NTNG1: variants seen among roughly 807,000 people sequenced by gnomAD.
NTNG1 encodes netrin-G1.
In NTNG1, 16 loss-of-function variants were observed where a neutral mutation model predicts 54.0. The ratio of observed to expected loss-of-function variants is 0.30; its 90% CI spans 0.20 to 0.45. The LOEUF (loss-of-function observed/expected upper bound fraction) is 0.45, where lower values mean the gene tolerates loss of function less well. Ranked by LOEUF, NTNG1 falls within the 20% of genes least tolerant of loss-of-function variation. The pLI, the probability that NTNG1 is intolerant of heterozygous loss-of-function variation, is 1.00. For synonymous variants in NTNG1, 255 were observed against 263.1 expected, an observed-to-expected ratio of 0.97 and a Z score of 0.30; for missense variants, 530 against 678.7, an observed-to-expected ratio of 0.78 and a Z score of 2.43.
intron 2 of NTNG1, among the ~76,000 whole-genome samples, chr1:107,280,574 A>G (rs374952974): frequency 4.0e-4 from 60 of 148,188 alleles, no homozygotes; most frequent in East Asian, 2.3e-3. Context: ...ATTCTTATAT[A>G]AGAGTCAAGG....
chr1:107,295,548 G>A (rs1000589511), intron 2 of NTNG1, among the ~76,000 whole-genome samples: 11 of 152,060 alleles, frequency 7.2e-5, no homozygotes, highest in Non-Finnish European at 1.5e-4. Context: ...ACTTAGGTCC[G>A]GTCCCCTCTT....
intron 3 of NTNG1, among the ~76,000 whole-genome samples, chr1:107,381,073 A>G (rs1275479934): frequency 6.6e-6 from 1 of 152,112 alleles, no homozygotes; most frequent in Non-Finnish European, 1.5e-5. Flanking sequence ...TTAAACAACT[A>G]TTTTATAAAT....
chr1:107,431,770 G>C (rs922044999), intron 6 of NTNG1, among the ~76,000 whole-genome samples: 2 of 152,180 alleles, frequency 1.3e-5, no homozygotes, highest in African/African-American at 4.8e-5. Context: ...TATTTGAAAT[G>C]CTGAAAAATA....
intron 3 of NTNG1, among the ~76,000 whole-genome samples, chr1:107,358,565 G>A (rs1319010303): frequency 2.6e-5 from 4 of 151,696 alleles, no homozygotes; most frequent in Non-Finnish European, 2.9e-5. Flanking sequence ...CTAATACAGA[G>A]CACTGACCTA....
chr1:107,191,178 T>A (rs1340396650), intron 2 of NTNG1, among the ~76,000 whole-genome samples: 1 of 152,216 alleles, frequency 6.6e-6, no homozygotes, highest in African/African-American at 2.4e-5. Context: ...TGATGGCCAG[T>A]GATGATGAGC....
At chr1:107,410,644 T>C (rs1423082144) in intron 5 of NTNG1, 1 of 152,158 alleles carries the variant, frequency 6.6e-6, no homozygotes, top group Non-Finnish European at 1.5e-5. Flanking sequence ...TCAGATTGCA[T>C]TTTTTAATAA....
chr1:107,345,148 T>A (rs1009059398), intron 3 of NTNG1, among the ~76,000 whole-genome samples: 2 of 152,128 alleles, frequency 1.3e-5, no homozygotes, highest in Non-Finnish European at 2.9e-5. Context: ...TCTCTCCAAA[T>A]GTTTTGAGTT....
At chr1:107,215,286 G>T (rs1346613167) in intron 2 of NTNG1, among the ~76,000 whole-genome samples, 1 of 152,004 alleles carries the variant, frequency 6.6e-6, no homozygotes, top group African/African-American at 2.4e-5. Flanking sequence ...TTAAGTATTT[G>T]ATCCATCTTG....
At chr1:107,286,094 G>C (rs924522653) in intron 2 of NTNG1, among the ~76,000 whole-genome samples, 2 of 152,066 alleles carry the variant, frequency 1.3e-5, no homozygotes, top group African/African-American at 4.8e-5. Context: ...AGATGTAAAG[G>C]CTATGGGAGC....
intron 2 of NTNG1, among the ~76,000 whole-genome samples, chr1:107,289,607 C>G (rs1032117864): frequency 2.6e-5 from 4 of 152,112 alleles, no homozygotes; most frequent in Admixed American, 6.6e-5. Context: ...TTTCTTCAAC[C>G]CTAGCCCAGG....
intron 2 of NTNG1, among the ~76,000 whole-genome samples, chr1:107,179,552 A>G (rs2101125849): frequency 6.6e-6 from 1 of 152,086 alleles, no homozygotes; most frequent in Non-Finnish European, 1.5e-5. Context: ...TTATATGAAT[A>G]TAAAACATTC....
chr1:107,428,755 T>C (rs1255637825), intron 5 of NTNG1, among the ~76,000 whole-genome samples: 1 of 152,066 alleles, frequency 6.6e-6, no homozygotes, highest in Non-Finnish European at 1.5e-5. Flanking sequence ...CATAGAAGGC[T>C]CTAGAAGCTT....
At chr1:107,212,956 AG>A (rs1328574148) in intron 2 of NTNG1, among the ~76,000 whole-genome samples, 1 of 152,022 alleles carries the variant, frequency 6.6e-6, no homozygotes, top group Non-Finnish European at 1.5e-5. Context: ...GGAACATCCC[AG>A]GGCAATGCTG....
intron 5 of NTNG1, among the ~76,000 whole-genome samples, chr1:107,426,089 G>A (rs888759698): frequency 9.9e-5 from 15 of 151,768 alleles, no homozygotes; most frequent in Non-Finnish European, 1.6e-4. Flanking sequence ...GTCTTTAGAG[G>A]CATAATTTCT....
chr1:107,480,787 G>T lies in NTNG1; in HGVS notation c.1567G>T (p.Ala523Ser), dbSNP rs959944536. 1.9e-6 allele frequency: 3 copies of T among 1,596,662 alleles called. No individual in the cohort carries two copies. Among genetic ancestry groups the T allele is most frequent in the Non-Finnish European group, 2.6e-6 (3 of 1,172,940 alleles). ...GGGCGCGCCCCCGCACGGCTCCCCA[G>T]CGCTGCTGCTGCTGACCACGCTGCT... Reference protein sequence around the residue: ...GQGAPPHGSPALLLLTTLLGT... With the variant: ...GQGAPPHGSPSLLLLTTLLGT... Residue 523 changes from alanine (A) to serine (S), a missense_variant, in exon 8 of 8, where the codon GCG (alanine) becomes TCG (serine). Physicochemically the swap from Ala to Ser is moderately conservative, Grantham distance 99. This residue lies in a region of NTNG1 where 212 missense variants were observed against 213.6 expected (regional missense o/e 0.99). Transcript: ENST00000370068.
At chr1:107,271,679 A>G (rs1011703640) in intron 2 of NTNG1, among the ~76,000 whole-genome samples, 3 of 152,204 alleles carry the variant, frequency 2.0e-5, no homozygotes, top group African/African-American at 7.2e-5. Flanking sequence ...TATGTATACA[A>G]CACAGAGAAA....
chr1:107,367,299 G>C lies in NTNG1; in HGVS notation c.888-27855G>C, dbSNP rs1670657762. ...GATTTTTTTTTAAATACAAGACCCT[G>C]AGAAATATAGATAGGAATTAGAAAC... On this transcript the variant is annotated intron_variant, in intron 3 of 7. Transcript: ENST00000370068. Among the ~76,000 whole-genome samples the C allele has an allele frequency of 2.6e-5, 4 of 152,022 alleles. No individual in the cohort carries two copies. In the South Asian group the frequency reaches 8.3e-4, roughly 32 times the overall value.
chr1:107,350,503 G>A (rs1669536774), intron 3 of NTNG1, among the ~76,000 whole-genome samples: 1 of 152,090 alleles, frequency 6.6e-6, no homozygotes, highest in Admixed American at 6.5e-5. Context: ...TATATCAAAA[G>A]GAATTAAAAT....
chr1:107,279,404 A>G (rs940834160), intron 2 of NTNG1, among the ~76,000 whole-genome samples: 2 of 152,052 alleles, frequency 1.3e-5, no homozygotes, highest in Non-Finnish European at 2.9e-5. Flanking sequence ...TTCATGTTGG[A>G]GCAAAATTAT....
Sources: allele counts gnomAD v4.1 joint callset (sites outside exome capture counted in the v4.1 genomes callset), GRCh38; gene constraint gnomAD v4.1.1; regional missense constraint gnomAD v4.1.1; transcripts MANE v1.5; gene names NCBI Gene and HGNC (gene_info 2026-07-23, HGNC 2026-07-21).